SH3RF1: variants seen among roughly 807,000 people sequenced by gnomAD.
SH3RF1 encodes the protein SH3 domain containing ring finger 1, also known as E3 ubiquitin-protein ligase SH3RF1.
SH3RF1 carries 32 observed loss-of-function variants against 74.0 expected under a neutral mutation model. That is an observed-to-expected ratio of 0.43 (90% CI 0.33 to 0.58). The LOEUF is 0.58. SH3RF1 is among the 20% of genes least tolerant of loss of function. The pLI is 0.05. For missense variants in SH3RF1, 954 were observed against 1,130.9 expected (o/e 0.84, Z 2.24); for synonymous variants, 396 against 439.6 (o/e 0.90, Z 1.24).
intron 2 of SH3RF1, among the ~76,000 whole-genome samples, chr4:169,237,153 C>A (rs1169273325): frequency 1.3e-5 from 2 of 152,220 alleles, no homozygotes; most frequent in African/African-American, 4.8e-5. Flanking sequence ...AATAAACCAA[C>A]ACCTGACGTC....
intron 6 of SH3RF1, among the ~76,000 whole-genome samples, chr4:169,124,506 A>G (rs1733493881): frequency 1.3e-5 from 2 of 152,260 alleles, no homozygotes; most frequent in African/African-American, 2.4e-5. Flanking sequence ...GAAAGATCCC[A>G]AAGGTTCTTC....
intron 2 of SH3RF1, among the ~76,000 whole-genome samples, chr4:169,194,780 A>C (rs1380572468): frequency 6.6e-6 from 1 of 152,144 alleles, no homozygotes; most frequent in Non-Finnish European, 1.5e-5. Flanking sequence ...CAGTCTCCCA[A>C]AGTGATTGTA....
intron 2 of SH3RF1, among the ~76,000 whole-genome samples, chr4:169,242,642 G>A (rs775186583): frequency 2.0e-5 from 3 of 152,168 alleles, no homozygotes; most frequent in Non-Finnish European, 4.4e-5. Context: ...CAACAGTGAT[G>A]GGAGATGGGC....
At chr4:169,266,754 T>C (rs1731363210) in intron 2 of SH3RF1, among the ~76,000 whole-genome samples, 1 of 152,088 alleles carries the variant, frequency 6.6e-6, no homozygotes, top group South Asian at 2.1e-4. Flanking sequence ...TGCAAGTAGC[T>C]AGGGGCTAGA....
chr4:169,241,780 T>C (rs1209238269), intron 2 of SH3RF1, among the ~76,000 whole-genome samples: 1 of 152,216 alleles, frequency 6.6e-6, no homozygotes, highest in Non-Finnish European at 1.5e-5. Context: ...ACTGCACTTC[T>C]TGGGAAATGG....
At chr4:169,156,792 C>A (rs543215717) in intron 2 of SH3RF1, 113 bp from the exon 3 acceptor site, 4 of 955,244 alleles carry the variant, frequency 4.2e-6, no homozygotes, top group East Asian at 2.5e-5. Context: ...ACACTGTAAC[C>A]CTTGAAGAAA....
rs910456445 is a variant in SH3RF1, at chr4:169,095,644, C to T, written c.*875G>A. ...AAAATGTGAAATGACGCTTCATAGC[C>T]ATTCTCAGACAGTGACTACAACTTC... On this transcript the variant is annotated 3_prime_UTR_variant, in exon 12 of 12. Coordinates refer to ENST00000284637, the MANE Select transcript of SH3RF1 (RefSeq NM_020870.4). 1.4e-4 allele frequency: 21 copies of T among 152,628 alleles called. No homozygotes were observed. Among genetic ancestry groups the T allele is most frequent in the Admixed American group, 1.2e-3 (19 of 15,278 alleles). The allele number at this position is 152,628 out of a possible 1,614,324, so 9.5% of individuals were successfully genotyped here.
intron 2 of SH3RF1, chr4:169,203,898 T>C (rs1734950861): frequency 6.6e-6 from 1 of 152,214 alleles, no homozygotes; most frequent in Non-Finnish European, 1.5e-5. Flanking sequence ...AAAGTCTGGT[T>C]GCACTACTAA....
At chr4:169,106,115 T>C (rs549081701) in intron 11 of SH3RF1, among the ~76,000 whole-genome samples, 2 of 151,578 alleles carry the variant, frequency 1.3e-5, no homozygotes, top group African/African-American at 2.4e-5. Context: ...TTTATTATTA[T>C]TATTATTATT....
chr4:169,245,231 G>A (rs1415800043), intron 2 of SH3RF1, among the ~76,000 whole-genome samples: 2 of 152,178 alleles, frequency 1.3e-5, no homozygotes, highest in African/African-American at 4.8e-5. Context: ...TACTAACTGT[G>A]AAGTCAGAAC....
intron 4 of SH3RF1, among the ~76,000 whole-genome samples, chr4:169,142,547 T>A (rs1733804459): frequency 6.6e-6 from 1 of 152,196 alleles, no homozygotes; most frequent in Non-Finnish European, 1.5e-5. Flanking sequence ...GCATAAAGAA[T>A]AAGGTCGGGA....
chr4:169,102,868 C>T (rs994980510), intron 11 of SH3RF1, among the ~76,000 whole-genome samples: 2 of 149,682 alleles, frequency 1.3e-5, no homozygotes, highest in Non-Finnish European at 3.0e-5. Context: ...CTTTATACCA[C>T]GTGGTTGCTT....
chr4:169,268,795 C>A, intron 2 of SH3RF1, 25 bp downstream of exon 2: 1 of 1,529,660 alleles, frequency 6.5e-7, no homozygotes, highest in Non-Finnish European at 8.7e-7. Context: ...CTTTATTCAC[C>A]AAACTACCTC....
Position 169,097,566 on chromosome 4 carries a change from G to T in SH3RF1, c.2499-879C>A, listed in dbSNP as rs558150045. On this transcript the variant is annotated intron_variant, in intron 11 of 11. Transcript: ENST00000284637. Reference sequence around the variant, plus strand: ...AATTACAGCTTGTAGGAAACGAGAGGGAGGTGACTTGTTTTACACTCTATA... The same window carrying T: ...AATTACAGCTTGTAGGAAACGAGAGTGAGGTGACTTGTTTTACACTCTATA... 2.6e-5 allele frequency among the ~76,000 whole-genome samples: 4 copies of T among 152,206 alleles called. No homozygotes were observed. In the South Asian group the frequency reaches 6.2e-4, roughly 24 times the overall value.
intron 2 of SH3RF1, among the ~76,000 whole-genome samples, chr4:169,164,994 T>C (rs115646064): frequency 3.5e-3 from 537 of 152,336 alleles, no homozygotes; most frequent in African/African-American, 0.012. Context: ...GTGTCACTCA[T>C]TGCCTTGAAT....
chr4:169,181,082 T>C (rs1371038989), intron 2 of SH3RF1, among the ~76,000 whole-genome samples: 1 of 151,948 alleles, frequency 6.6e-6, no homozygotes, highest in Non-Finnish European at 1.5e-5. Flanking sequence ...AAACCACATA[T>C]AAAATTCGAA....
chr4:169,129,910 A>G, intron 6 of SH3RF1, 136 bp downstream of exon 6: 1 of 700,740 alleles, frequency 1.4e-6, no homozygotes, highest in South Asian at 2.0e-5. Flanking sequence ...ATTAACAGAG[A>G]TAATAGATGA....
rs1732924975 is a variant in SH3RF1, at chr4:169,096,123, C to A, written c.*396G>T. 6.3e-6 allele frequency: 1 copy of A among 157,670 alleles called. No homozygotes were observed. Among genetic ancestry groups the A allele is most frequent in the African/African-American group, 2.4e-5 (1 of 41,652 alleles). 9.8% of individuals were successfully genotyped at this position (157,670 alleles called of 1,614,324 possible). ...GATAATCCAGCTTCTCCTTACCTAT[C>A]ATTTCATAAATTAATAATTTCTTAA... On this transcript the variant is annotated 3_prime_UTR_variant, in exon 12 of 12. Transcript: ENST00000284637.
rs138904365 is a variant in SH3RF1 at position 169,150,683 on chromosome 4, T to C, written c.765+4797A>G. On this transcript the variant is annotated intron_variant, in intron 4 of 11. Coordinates refer to ENST00000284637, the MANE Select transcript of SH3RF1 (RefSeq NM_020870.4). ...CCTCTACATGCATCTTAGGGCCCCA[T>C]GTCCGAGGAATGGAGGACTGACTGC... Among the ~76,000 whole-genome samples the C allele has an allele frequency of 5.3e-4, 81 of 152,278 alleles. 1 individual carries two copies. Among genetic ancestry groups the C allele is most frequent in the African/African-American group, 1.5e-3 (64 of 41,564 alleles).
Sources: gnomAD v4.1 joint callset for allele counts (sites outside exome capture counted in the v4.1 genomes callset) on GRCh38, gnomAD v4.1.1 for gene constraint, MANE v1.5 for transcripts, NCBI Gene and HGNC (gene_info 2026-07-23, HGNC 2026-07-21) for gene names.